The following CAMK4 variants were observed in gnomAD, a reference collection of about 807,000 sequenced individuals.
CAMK4 encodes the protein calcium/calmodulin-dependent protein kinase type IV.
CAMK4 carries 22 observed loss-of-function variants against 44.9 expected under a neutral mutation model. That is an observed-to-expected ratio of 0.49 (90% CI 0.35 to 0.70). The LOEUF is 0.70. CAMK4 is among the 30% of genes least tolerant of loss of function. CAMK4 has a pLI of 0.01. For synonymous variants in CAMK4, 218 were observed against 215.4 expected (o/e 1.01, Z -0.11); for missense variants, 498 against 586.8 (o/e 0.85, Z 1.56).
rs867266146 is a variant in CAMK4, at chr5:111,224,892, A to G, written c.161+248A>G. Among the ~76,000 whole-genome samples, 6 of 145,996 alleles carry G rather than the reference A, an allele frequency of 4.1e-5. No individual in the cohort carries two copies. Among genetic ancestry groups the G allele is most frequent in the Non-Finnish European group, 7.5e-5 (5 of 66,258 alleles). On this transcript the variant is annotated intron_variant, in intron 1 of 10. Coordinates refer to ENST00000282356, the MANE Select transcript of CAMK4 (RefSeq NM_001744.6). This position sits in a 1 kb window ranked among gnomAD's most constrained non-coding sequence, Gnocchi z 5.7. ...CCCTCCCACCTTCCCTCCTTCTCGC[A>G]GGCTGCCACTTCCCTTGGGTGACAG...
intron 2 of CAMK4, among the ~76,000 whole-genome samples, chr5:111,374,507 C>T (rs1751136172): frequency 6.6e-6 from 1 of 152,044 alleles, no homozygotes; most frequent in African/African-American, 2.4e-5. Context: ...GGGGTTTAGA[C>T]AGACTTCCAT....
chr5:111,333,427 A>G (rs1294602255), intron 1 of CAMK4, among the ~76,000 whole-genome samples: 1 of 151,652 alleles, frequency 6.6e-6, no homozygotes, highest in Non-Finnish European at 1.5e-5. Context: ...AAGAGGACTG[A>G]TAAGAGTTAT....
chr5:111,331,303 A>T lies in CAMK4; in HGVS notation c.162-12721A>T, dbSNP rs78721443. Among the ~76,000 whole-genome samples the T allele has an allele frequency of 4.1e-4, 62 of 151,896 alleles. No individual in the cohort carries two copies. In the East Asian group the frequency reaches 0.011, roughly 28 times the overall value. ...AAAAGACCAAAATGCTTCACAAAAG[A>T]TGAATGAATTACATATAAGTCCCTG... On this transcript the variant is annotated intron_variant, in intron 1 of 10. Coordinates refer to ENST00000282356, the MANE Select transcript of CAMK4 (RefSeq NM_001744.6).
At position 111,490,334 on chromosome 5, in the gene CAMK4, C is replaced by A. The variant is rs1174792807; in HGVS notation, c.*5868C>A. 6.6e-6 allele frequency: 1 copy of A among 152,092 alleles called. No homozygotes were observed. The highest frequency in any genetic ancestry group is 1.5e-5 in the Non-Finnish European group (1 of 68,042). The allele number at this position is 152,092 out of a possible 1,614,324, so 9.4% of individuals were successfully genotyped here. A position where few individuals can be genotyped will look rare whatever the true frequency, so the allele number is the denominator to read the frequency against. ...CAGTTAAGCATAACTATAGGCTGGG[C>A]GTGATAGTTCATGCCTGTAATCCCA... On this transcript the variant is annotated 3_prime_UTR_variant, in exon 11 of 11. Transcript: ENST00000282356.
intron 5 of CAMK4, among the ~76,000 whole-genome samples, chr5:111,415,114 T>C (rs1342543185): frequency 6.6e-6 from 1 of 152,230 alleles, no homozygotes; most frequent in Non-Finnish European, 1.5e-5. Context: ...TTCATTTATC[T>C]GTGGTCAGCT....
At chr5:111,463,650 A>G (rs933003888) in intron 7 of CAMK4, among the ~76,000 whole-genome samples, 1 of 152,202 alleles carries the variant, frequency 6.6e-6, no homozygotes, top group Non-Finnish European at 1.5e-5. Flanking sequence ...AGACCTGAAG[A>G]TGGTTTACAC....
rs575268685 is a variant in CAMK4, at chr5:111,310,566, G to T, written c.162-33458G>T. Among the ~76,000 whole-genome samples the T allele has an allele frequency of 2.6e-5, 4 of 152,312 alleles. No individual in the cohort carries two copies. In the East Asian group the frequency reaches 7.7e-4, roughly 29 times the overall value. On this transcript the variant is annotated intron_variant, in intron 1 of 10. Coordinates refer to ENST00000282356, the MANE Select transcript of CAMK4 (RefSeq NM_001744.6). The stretch of plus-strand genomic sequence containing the variant: ...AGCTTACTTTGACAGCAGTGTGGAA[G>T]ATGGCTCAGAGGGGTATATATGTAA...
chr5:111,377,612 T>G (rs2112828656), intron 4 of CAMK4, among the ~76,000 whole-genome samples: 1 of 152,268 alleles, frequency 6.6e-6, no homozygotes, highest in East Asian at 1.9e-4. Context: ...CTATAGTTGT[T>G]CCATCTTCCC....
chr5:111,341,821 G>T (rs1749657374), intron 1 of CAMK4, among the ~76,000 whole-genome samples: 1 of 151,236 alleles, frequency 6.6e-6, no homozygotes, highest in South Asian at 2.1e-4. Flanking sequence ...CTTGCATGGG[G>T]TCATGTAGCT....
intron 2 of CAMK4, among the ~76,000 whole-genome samples, chr5:111,357,524 G>A (rs1428771319): frequency 1.4e-5 from 2 of 143,740 alleles, no homozygotes; most frequent in Non-Finnish European, 3.0e-5. Context: ...AAGTTGAATG[G>A]TGGCCAGAGT....
At chr5:111,399,060 G>A (rs1299129468) in intron 5 of CAMK4, among the ~76,000 whole-genome samples, 1 of 151,874 alleles carries the variant, frequency 6.6e-6, no homozygotes, top group Non-Finnish European at 1.5e-5. Context: ...CATGCTTATA[G>A]CAGCAGTGGC....
chr5:111,395,230 A>AAAAAAAAG (rs1751959881), intron 5 of CAMK4, among the ~76,000 whole-genome samples: 37 of 106,428 alleles, frequency 3.5e-4, no homozygotes, highest in South Asian at 9.3e-4. Flanking sequence ...AAAAAAAAGA[A>AAAAAAAAG]AAAAAAAAAG....
intron 4 of CAMK4, among the ~76,000 whole-genome samples, chr5:111,381,020 G>A (rs1398107901): frequency 1.3e-5 from 2 of 152,094 alleles, no homozygotes; most frequent in South Asian, 2.1e-4. Flanking sequence ...GTCAACTTCT[G>A]TACCCTTAGC....
intron 1 of CAMK4, among the ~76,000 whole-genome samples, chr5:111,242,187 C>G (rs527510220): frequency 6.6e-6 from 1 of 152,128 alleles, no homozygotes; most frequent in Non-Finnish European, 1.5e-5. Flanking sequence ...AGAAATCCAG[C>G]GGTATTCTGG....
At chr5:111,284,892 T>C (rs966271168) in intron 1 of CAMK4, among the ~76,000 whole-genome samples, 1 of 152,206 alleles carries the variant, frequency 6.6e-6, no homozygotes, top group African/African-American at 2.4e-5. Flanking sequence ...GAAAAAGAGA[T>C]ATCTCCTTCT....
At chr5:111,280,864 C>T (rs1331719691) in intron 1 of CAMK4, among the ~76,000 whole-genome samples, 1 of 152,186 alleles carries the variant, frequency 6.6e-6, no homozygotes, top group Non-Finnish European at 1.5e-5. Context: ...TATACTTCTT[C>T]AGAATATTAA....
Position 111,246,244 on chromosome 5 carries a change from A to C in CAMK4, c.161+21600A>C, listed in dbSNP as rs369721243. Among the ~76,000 whole-genome samples, 5 of 152,328 alleles carry C rather than the reference A, an allele frequency of 3.3e-5. No individual in the cohort carries two copies. The East Asian group carries it at 7.7e-4, about 23-fold the overall frequency. ...AAAGCTTGTGCTCACCTATTCATTTAACACACTTTTTCTTTCGCCACTGCC... is the reference window on the plus strand; with the variant it reads ...AAAGCTTGTGCTCACCTATTCATTTCACACACTTTTTCTTTCGCCACTGCC... On this transcript the variant is annotated intron_variant, in intron 1 of 10. Coordinates refer to ENST00000282356, the MANE Select transcript of CAMK4 (RefSeq NM_001744.6).
chr5:111,479,297 T>C (rs1755350335), intron 9 of CAMK4, among the ~76,000 whole-genome samples: 1 of 152,234 alleles, frequency 6.6e-6, no homozygotes, highest in African/African-American at 2.4e-5. Flanking sequence ...TGTTCCACTG[T>C]GTTAATAGTT....
chr5:111,435,905 A>G (rs1205494032), intron 5 of CAMK4, among the ~76,000 whole-genome samples: 2 of 152,140 alleles, frequency 1.3e-5, no homozygotes, highest in Admixed American at 6.6e-5. Flanking sequence ...CACAACATAT[A>G]CTTGTTCTAA....
Sources: allele counts gnomAD v4.1 joint callset (sites outside exome capture counted in the v4.1 genomes callset), GRCh38; gene constraint gnomAD v4.1.1; non-coding constraint Gnocchi (gnomAD v3.1); transcripts MANE v1.5; gene names NCBI Gene and HGNC (gene_info 2026-07-23, HGNC 2026-07-21).